The following ST8SIA5 variants were observed in gnomAD, a reference collection of about 807,000 sequenced individuals.
ST8SIA5 encodes the protein alpha-2,8-sialyltransferase 8E.
Under a neutral mutation model 40.2 loss-of-function variants are expected in ST8SIA5, and 24 were observed. That is an observed-to-expected ratio of 0.60 (90% confidence interval 0.43 to 0.84). ST8SIA5 has a LOEUF of 0.84. ST8SIA5 is among the 40% of genes least tolerant of loss of function. The pLI is 0.00. For synonymous variants in ST8SIA5, 198 were observed against 201.8 expected (o/e 0.98, Z 0.16); for missense variants, 465 against 498.5 (o/e 0.93, Z 0.64).
In ST8SIA5 at chr18:46,748,524, A is replaced by T. The variant is rs182604475; in HGVS notation, c.131+7854T>A. Among the ~76,000 whole-genome samples the T allele has an allele frequency of 2.2e-5, 3 of 134,754 alleles. No homozygotes were observed. The East Asian group carries it at 6.9e-4, about 31-fold the overall frequency. 88.4% of individuals were successfully genotyped at this position (134,754 alleles called of 152,430 possible). On this transcript the variant is annotated intron_variant, in intron 1 of 6. Transcript: ENST00000315087. ...GGTTGCACTGAGCTGAGATCGCACCATTGCACTCCAGCCTGGGCAAAACTT... is the reference window on the plus strand; with the variant it reads ...GGTTGCACTGAGCTGAGATCGCACCTTTGCACTCCAGCCTGGGCAAAACTT...
intron 1 of ST8SIA5, among the ~76,000 whole-genome samples, chr18:46,719,379 C>T (rs906214291): frequency 2.0e-5 from 3 of 151,702 alleles, no homozygotes; most frequent in African/African-American, 4.8e-5. Flanking sequence ...GAAGCAAGGA[C>T]GTGGAGGAGA....
At chr18:46,696,893 G>T (rs1199194248) in intron 2 of ST8SIA5, among the ~76,000 whole-genome samples, 1 of 152,116 alleles carries the variant, frequency 6.6e-6, no homozygotes, top group Non-Finnish European at 1.5e-5. Context: ...GTAGCACAAG[G>T]ACAGGATGAC....
At chr18:46,681,928 G>T (rs1215936947) in intron 6 of ST8SIA5, 44 bp downstream of exon 6, 1 of 1,599,542 alleles carries the variant, frequency 6.3e-7, no homozygotes, top group African/African-American at 1.3e-5. Flanking sequence ...GTGACTATTG[G>T]CTACCATTTT....
At chr18:46,753,977 G>C (rs2040218390) in intron 1 of ST8SIA5, among the ~76,000 whole-genome samples, 1 of 152,126 alleles carries the variant, frequency 6.6e-6, no homozygotes, top group Non-Finnish European at 1.5e-5. Context: ...CCTCCAGTTG[G>C]TTCTGATTCA....
chr18:46,714,344 C>T (rs1941978), intron 1 of ST8SIA5, among the ~76,000 whole-genome samples: 1 of 152,200 alleles, frequency 6.6e-6, no homozygotes, highest in Non-Finnish European at 1.5e-5. Context: ...TTCTTTCCTT[C>T]TTTCCCATTC....
intron 2 of ST8SIA5, among the ~76,000 whole-genome samples, chr18:46,695,548 T>C (rs2039549484): frequency 6.6e-6 from 1 of 152,226 alleles, no homozygotes; most frequent in Non-Finnish European, 1.5e-5. Flanking sequence ...GCATGGCACC[T>C]GACACACAGA....
At chr18:46,712,422 G>T (rs1249375411) in intron 1 of ST8SIA5, among the ~76,000 whole-genome samples, 2 of 152,142 alleles carry the variant, frequency 1.3e-5, no homozygotes, top group Non-Finnish European at 2.9e-5. Flanking sequence ...GAAAGGATTC[G>T]GTCTTCTCCC....
At chr18:46,734,632 G>A (rs1000001131) in intron 1 of ST8SIA5, among the ~76,000 whole-genome samples, 7 of 152,256 alleles carry the variant, frequency 4.6e-5, no homozygotes, top group Non-Finnish European at 8.8e-5. Context: ...GGCAGGACTG[G>A]AGCCCCCATC....
At chr18:46,721,409 A>G (rs1483440179) in intron 1 of ST8SIA5, 2 of 1,535,960 alleles carry the variant, frequency 1.3e-6, no homozygotes, top group Admixed American at 2.0e-5. Context: ...CATCCGTGAC[A>G]TTAAAGAGCC....
intron 2 of ST8SIA5, among the ~76,000 whole-genome samples, chr18:46,696,153 T>C (rs1181155687): frequency 6.6e-6 from 1 of 152,178 alleles, no homozygotes. Context: ...GAGAGAAAAG[T>C]GAGTGCAAAA....
At chr18:46,685,419 C>T (rs894755610) in intron 5 of ST8SIA5, among the ~76,000 whole-genome samples, 1 of 152,196 alleles carries the variant, frequency 6.6e-6, no homozygotes, top group Non-Finnish European at 1.5e-5. Context: ...GTGTCTCTCA[C>T]ACTCCGCCTG....
intron 1 of ST8SIA5, among the ~76,000 whole-genome samples, chr18:46,742,630 G>A (rs1235071239): frequency 6.6e-6 from 1 of 152,190 alleles, no homozygotes; most frequent in Non-Finnish European, 1.5e-5. Context: ...ACCTCTGTGG[G>A]CAGGGCATAG....
intron 1 of ST8SIA5, among the ~76,000 whole-genome samples, chr18:46,749,008 G>T (rs1164081671): frequency 6.6e-6 from 1 of 152,182 alleles, no homozygotes; most frequent in Admixed American, 6.5e-5. Flanking sequence ...TCCATACAAT[G>T]AAATATTATT....
intron 1 of ST8SIA5, among the ~76,000 whole-genome samples, chr18:46,749,142 A>G (rs749646277): frequency 6.6e-6 from 1 of 152,222 alleles, no homozygotes; most frequent in Non-Finnish European, 1.5e-5. Context: ...TTTATATGAA[A>G]TGCTCAAAAC....
intron 1 of ST8SIA5, chr18:46,730,159 G>A (rs937806451): frequency 2.5e-4 from 243 of 985,076 alleles, no homozygotes; most frequent in Admixed American, 1.8e-3. Context: ...CCCCAGAAGT[G>A]GCCACTTTCT....
Position 46,680,373 on chromosome 18 carries a change from T to C in ST8SIA5, c.800A>G (p.Asp267Gly), listed in dbSNP as rs1251020074. 8 of 1,614,002 alleles carry C rather than the reference T, an allele frequency of 5.0e-6. No homozygotes were observed. The highest frequency in any genetic ancestry group is 5.9e-6 in the Non-Finnish European group (7 of 1,179,980). The change falls in exon 7 of 7, where the codon GAC becomes GGC. Residue 267 changes from aspartate to glycine, a missense_variant. Coordinates refer to ENST00000315087, the MANE Select transcript of ST8SIA5 (RefSeq NM_013305.6). ...VSIRVKYVLD[D>G]FESPQAVYYF... ...GTAGACAGCTTGCGGCGATTCGAAG[T>C]CGTCCAGCACGTACTTGACGCGGAT...
At chr18:46,690,235 G>A (rs1415428174) in intron 3 of ST8SIA5, among the ~76,000 whole-genome samples, 1 of 152,156 alleles carries the variant, frequency 6.6e-6, no homozygotes, top group African/African-American at 2.4e-5. Context: ...GTGGGAGAAG[G>A]CCTGTTACAG....
chr18:46,668,984 C>A lies in ST8SIA5; in HGVS notation c.*11058G>T, dbSNP rs2039292620. On this transcript the variant is annotated 3_prime_UTR_variant, in exon 7 of 7. Transcript: ENST00000315087. Reference sequence around the variant, plus strand: ...CACCATGGTCCCTGACCCCAGCTTGCCCCGCTCTCCTGCTTTGCTCAGGCC... The same window carrying A: ...CACCATGGTCCCTGACCCCAGCTTGACCCGCTCTCCTGCTTTGCTCAGGCC... 1 of 152,394 alleles carries A rather than the reference C, an allele frequency of 6.6e-6. No homozygotes were observed. The allele number at this position is 152,394 out of a possible 1,614,324, so 9.4% of individuals were successfully genotyped here. A position where few individuals can be genotyped will look rare whatever the true frequency, so the allele number is the denominator to read the frequency against.
intron 3 of ST8SIA5, chr18:46,691,894 C>G (rs535113377): frequency 4.3e-6 from 2 of 462,590 alleles, no homozygotes; most frequent in East Asian, 8.1e-5. Flanking sequence ...TTCAGTGAAC[C>G]TCAGCTGTGT....
Sources: gnomAD v4.1 joint callset for allele counts (sites outside exome capture counted in the v4.1 genomes callset) on GRCh38, gnomAD v4.1.1 for gene constraint, MANE v1.5 for transcripts, NCBI Gene and HGNC (gene_info 2026-07-23, HGNC 2026-07-21) for gene names.